Variants in DOCK2 observed in about 807,000 individuals in gnomAD.
DOCK2 encodes dedicator of cytokinesis 2.
In DOCK2, 87 loss-of-function variants were observed where a neutral mutation model predicts 248.9. That is an observed-to-expected ratio of 0.35 (90% CI 0.29 to 0.42). The LOEUF (loss-of-function observed/expected upper bound fraction) is 0.42, where lower values mean the gene tolerates loss of function less well. DOCK2 is among the 10% of genes least tolerant of loss of function. The pLI is 1.00. For synonymous variants in DOCK2, 805 were observed against 821.6 expected (o/e 0.98, Z 0.35); for missense variants, 1,747 against 2,300.2 (o/e 0.76, Z 4.92).
chr5:170,070,400 A>T (rs1478860939), intron 46 of DOCK2, among the ~76,000 whole-genome samples: 1 of 152,216 alleles, frequency 6.6e-6, no homozygotes, highest in Non-Finnish European at 1.5e-5. Flanking sequence ...CTGCCAATTT[A>T]TGCAAAGTGG....
intron 27 of DOCK2, among the ~76,000 whole-genome samples, chr5:169,889,081 C>G (rs1581364034): frequency 6.6e-6 from 1 of 152,270 alleles, no homozygotes; most frequent in Non-Finnish European, 1.5e-5. Context: ...GTCCTTACCC[C>G]TCCGCTTGAC....
At chr5:169,857,165 G>C (rs1362085035) in intron 27 of DOCK2, among the ~76,000 whole-genome samples, 1 of 152,086 alleles carries the variant, frequency 6.6e-6, no homozygotes, top group Non-Finnish European at 1.5e-5. Context: ...GAATGGACTA[G>C]GTCACATGTA....
rs1778204363 is a variant in DOCK2 at position 169,991,492 on chromosome 5, TC to T, written c.2994-4592del. ...CTCAAGGCTCAGACTGCGTTCTCCC[TC>T]CTTGTGGGCTATTTGAAAGGATGGA... is the stretch of plus-strand genomic sequence containing the variant. On this transcript the variant is annotated intron_variant, in intron 29 of 51. Transcript: ENST00000520908. Among the ~76,000 whole-genome samples the T allele has an allele frequency of 1.3e-5, 2 of 152,244 alleles. 1 individual carries two copies. Among genetic ancestry groups the T allele is most frequent in the Admixed American group, 1.3e-4 (2 of 15,284 alleles).
At chr5:170,003,757 C>A (rs1754921380) in intron 30 of DOCK2, among the ~76,000 whole-genome samples, 1 of 152,192 alleles carries the variant, frequency 6.6e-6, no homozygotes, top group African/African-American at 2.4e-5. Context: ...TCATTTGGAT[C>A]TGATTCTTTG....
chr5:169,643,432 A>G (rs1361928424), intron 1 of DOCK2, among the ~76,000 whole-genome samples: 1 of 119,872 alleles, frequency 8.3e-6, no homozygotes, highest in African/African-American at 3.2e-5. Context: ...GGCGGGAGGG[A>G]TGGTTTCGGG....
At chr5:170,012,788 G>T (rs1298048248) in intron 32 of DOCK2, among the ~76,000 whole-genome samples, 1 of 152,218 alleles carries the variant, frequency 6.6e-6, no homozygotes, top group Admixed American at 6.5e-5. Flanking sequence ...AAAAGACTTT[G>T]CACTTAATCC....
At chr5:169,974,927 A>T (rs1777663238) in intron 27 of DOCK2, among the ~76,000 whole-genome samples, 1 of 152,030 alleles carries the variant, frequency 6.6e-6, no homozygotes, top group African/African-American at 2.4e-5. Flanking sequence ...ATCCTGAATG[A>T]TAACCCCTCT....
intron 27 of DOCK2, among the ~76,000 whole-genome samples, chr5:169,899,129 G>T (rs747178294): frequency 4.6e-5 from 7 of 152,194 alleles, no homozygotes; most frequent in Admixed American, 1.3e-4. Context: ...AGAGATATTA[G>T]ACATGGTGCC....
At chr5:169,663,483 G>A (rs759069855) in intron 2 of DOCK2, among the ~76,000 whole-genome samples, 4 of 152,230 alleles carry the variant, frequency 2.6e-5, no homozygotes, top group South Asian at 2.1e-4. Context: ...CCCTAGTAGA[G>A]GTTATCCATG....
At chr5:169,838,030 A>C (rs114244740) in intron 26 of DOCK2, among the ~76,000 whole-genome samples, 2 of 152,334 alleles carry the variant, frequency 1.3e-5, no homozygotes, top group Non-Finnish European at 2.9e-5. Flanking sequence ...CCATTATATA[A>C]ATTTGATGAA....
At chr5:169,783,189 A>G (rs1765804199) in intron 25 of DOCK2, among the ~76,000 whole-genome samples, 2 of 152,244 alleles carry the variant, frequency 1.3e-5, no homozygotes, top group Admixed American at 1.3e-4. Context: ...AAAATGAACA[A>G]GAAACACCAA....
chr5:169,986,139 T>G (rs1445751600), intron 29 of DOCK2, among the ~76,000 whole-genome samples: 1 of 152,216 alleles, frequency 6.6e-6, no homozygotes, highest in Non-Finnish European at 1.5e-5. Context: ...AAATCCCAGT[T>G]AGAATATCAT....
chr5:170,070,207 A>G (rs1757636074), intron 46 of DOCK2, among the ~76,000 whole-genome samples: 1 of 152,254 alleles, frequency 6.6e-6, no homozygotes, highest in Non-Finnish European at 1.5e-5. Context: ...ATGCAGGGGC[A>G]GGTGGTAGCA....
At chr5:170,025,786 C>CCTTCCTT in intron 33 of DOCK2, among the ~76,000 whole-genome samples, 1 of 65,350 alleles carries the variant, frequency 1.5e-5, no homozygotes, top group African/African-American at 5.3e-5. Context: ...CTCCCTCCTT[C>CCTTCCTT]CCTCCCTTCC....
At chr5:170,031,749 T>C (rs888763519) in intron 34 of DOCK2, among the ~76,000 whole-genome samples, 2 of 152,322 alleles carry the variant, frequency 1.3e-5, no homozygotes, top group South Asian at 2.1e-4. Context: ...TAGCCAATTT[T>C]CCCATCCATT....
At chr5:169,831,387 G>A (rs960785233) in intron 26 of DOCK2, among the ~76,000 whole-genome samples, 1 of 152,126 alleles carries the variant, frequency 6.6e-6, no homozygotes, top group Non-Finnish European at 1.5e-5. Flanking sequence ...TGCTTGCTGC[G>A]TTTAGGTATT....
intron 27 of DOCK2, among the ~76,000 whole-genome samples, chr5:169,854,303 A>G (rs1770781866): frequency 6.6e-6 from 1 of 151,872 alleles, no homozygotes; most frequent in South Asian, 2.1e-4. Context: ...CTTGAGCCTC[A>G]GCCTCCTTAG....
At chr5:169,708,100 C>G in intron 14 of DOCK2, 69 bp from the exon 15 acceptor site, 1 of 1,552,090 alleles carries the variant, frequency 6.4e-7, no homozygotes. Flanking sequence ...GCCTAGGGAC[C>G]AAACCTGCAC....
At chr5:169,675,379 A>G (rs554264295) in intron 6 of DOCK2, among the ~76,000 whole-genome samples, 1 of 152,222 alleles carries the variant, frequency 6.6e-6, no homozygotes, top group Admixed American at 6.5e-5. Flanking sequence ...CCTACCACAA[A>G]CATGTATTGA....
Sources: allele counts gnomAD v4.1 joint callset (sites outside exome capture counted in the v4.1 genomes callset), GRCh38; gene constraint gnomAD v4.1.1; transcripts MANE v1.5; gene names NCBI Gene and HGNC (gene_info 2026-07-23, HGNC 2026-07-21).